The following SLC39A14 variants were observed in gnomAD, a reference collection of about 807,000 sequenced individuals.
The protein encoded by SLC39A14 is solute carrier family 39 member 14.
SLC39A14 carries 19 observed loss-of-function variants against 45.5 expected under a neutral mutation model. The ratio of observed to expected loss-of-function variants is 0.42; its 90% CI spans 0.29 to 0.61. SLC39A14 has a LOEUF of 0.61. Among genes scored for constraint, SLC39A14 ranks in the 20% least tolerant of loss-of-function variants. The pLI, the probability that SLC39A14 is intolerant of heterozygous loss-of-function variation, is 0.22. For missense variants in SLC39A14, 447 were observed against 616.5 expected (o/e 0.73, Z 2.91); for synonymous variants, 264 against 251.3 (o/e 1.05, Z -0.48).
intron 1 of SLC39A14, among the ~76,000 whole-genome samples, chr8:22,372,234 A>G (rs11136010): frequency 0.25 from 37,649 of 151,676 alleles, 5,222 homozygotes; most frequent in East Asian, 0.52. Context: ...TTTTTTTCCT[A>G]CTAGGCTCCG....
intron 1 of SLC39A14, among the ~76,000 whole-genome samples, chr8:22,388,347 G>C (rs1339735204): frequency 6.6e-6 from 1 of 152,158 alleles, no homozygotes; most frequent in South Asian, 2.1e-4. Flanking sequence ...GGACTTCCTA[G>C]TCCTGTGGCG....
At chr8:22,378,074 C>T (rs1042078775) in intron 1 of SLC39A14, among the ~76,000 whole-genome samples, 20 of 152,282 alleles carry the variant, frequency 1.3e-4, no homozygotes, top group African/African-American at 4.8e-4. Context: ...GATCAGAAAC[C>T]ACTACCACTC....
intron 1 of SLC39A14, among the ~76,000 whole-genome samples, chr8:22,391,530 G>A (rs771763809): frequency 3.9e-5 from 6 of 151,972 alleles, no homozygotes; most frequent in Non-Finnish European, 5.9e-5. Flanking sequence ...GGGCCAAGGA[G>A]GATAGAATGT....
chr8:22,394,784 T>A (rs923626126), intron 1 of SLC39A14, among the ~76,000 whole-genome samples: 1 of 152,194 alleles, frequency 6.6e-6, no homozygotes, highest in Non-Finnish European at 1.5e-5. Flanking sequence ...ATTTTCTGAC[T>A]TCTTTCATGC....
intron 8 of SLC39A14, among the ~76,000 whole-genome samples, chr8:22,430,256 C>T (rs1234135874): frequency 2.0e-5 from 3 of 152,196 alleles, no homozygotes; most frequent in South Asian, 2.1e-4. Context: ...TTTTTAGAGA[C>T]GGGGTCTCAC....
Position 22,408,480 on chromosome 8 carries a change from G to A in SLC39A14, c.441G>A (p.Arg147=). 1 of 1,613,352 alleles carries A rather than the reference G, an allele frequency of 6.2e-7. No individual in the cohort carries two copies. The highest frequency in any genetic ancestry group is 1.1e-5 in the South Asian group (1 of 91,026). ...AGAATGAGCAGACGGAGGAGGGGCG[G>A]CCAAGCGCTGTTGAAGGTGAGCCAG... ...NEENEQTEEG[R]PSAVEVWGYG... is the part of the protein sequence containing the mutation. The change falls in exon 3 of 9, where the codon CGG becomes CGA. Residue 147 remains arginine, a synonymous_variant. Coordinates refer to ENST00000381237, the MANE Select transcript of SLC39A14 (RefSeq NM_001128431.4).
At chr8:22,422,949 G>A (rs1456963543), downstream of SLC39A14, among the ~76,000 whole-genome samples, 5 of 149,612 alleles carry the variant, frequency 3.3e-5, no homozygotes, top group African/African-American at 7.4e-5. Context: ...TCAGCCTCCC[G>A]AGTAGCTGGG....
At chr8:22,368,659 C>A (rs939701338) in intron 1 of SLC39A14, among the ~76,000 whole-genome samples, 1 of 152,148 alleles carries the variant, frequency 6.6e-6, no homozygotes, top group Non-Finnish European at 1.5e-5. Flanking sequence ...GCCTCAGCCT[C>A]CCGAGTAGCT....
intron 6 of SLC39A14, 49 bp from the exon 7 acceptor site, chr8:22,416,024 A>G (rs772049947): frequency 2.5e-6 from 4 of 1,608,098 alleles, no homozygotes; most frequent in Non-Finnish European, 2.6e-6. Context: ...TTGAGGGCAC[A>G]TGGTCCAGCC....
Position 22,410,678 on chromosome 8 carries a change from A to AG in SLC39A14, c.458-1355dup, listed in dbSNP as rs577556643. ...AAATTAAAATGACAAGATAAATGGA[A>AG]GGGGCACTCAGCCCTTTGTACCTTG... is the stretch of plus-strand genomic sequence containing the variant. On this transcript the variant is annotated intron_variant, in intron 3 of 8. Coordinates refer to ENST00000381237, the MANE Select transcript of SLC39A14 (RefSeq NM_001128431.4). 1.3e-3 allele frequency among the ~76,000 whole-genome samples: 199 copies of AG among 152,352 alleles called. 1 individual carries two copies. The highest frequency in any genetic ancestry group is 4.5e-3 in the African/African-American group (189 of 41,588).
intron 2 of SLC39A14, among the ~76,000 whole-genome samples, chr8:22,406,394 G>A (rs1835210254): frequency 6.9e-6 from 1 of 144,980 alleles, no homozygotes; most frequent in Admixed American, 6.9e-5. Context: ...GGCCTCAAAA[G>A]TTGGGGGGGA....
chr8:22,417,601 A>G (rs754911599), intron 7 of SLC39A14, 50 bp from the exon 8 acceptor site: 1 of 1,517,136 alleles, frequency 6.6e-7, no homozygotes. Context: ...CACCATGCCC[A>G]TCTTACTCTT....
intron 8 of SLC39A14, among the ~76,000 whole-genome samples, chr8:22,427,868 G>T (rs1836410484): frequency 6.6e-6 from 1 of 152,176 alleles, no homozygotes; most frequent in South Asian, 2.1e-4. Flanking sequence ...CTAACTAAAA[G>T]GGTGGTAAAA....
chr8:22,415,130 A>G, intron 5 of SLC39A14: 1 of 522,298 alleles, frequency 1.9e-6, no homozygotes, highest in Non-Finnish European at 3.3e-6. Context: ...ACTAAGCAGT[A>G]GTTTATCCCC....
At chr8:22,386,615 A>G (rs1833810188) in intron 1 of SLC39A14, among the ~76,000 whole-genome samples, 1 of 152,212 alleles carries the variant, frequency 6.6e-6, no homozygotes, top group South Asian at 2.1e-4. Flanking sequence ...GGCACTTGAT[A>G]TGTGCATATG....
chr8:22,411,778 C>G, intron 3 of SLC39A14: 1 of 434,474 alleles, frequency 2.3e-6, no homozygotes, highest in South Asian at 2.9e-5. Context: ...CCAAGGCCAC[C>G]TTGAATTCCT....
At chr8:22,370,324 A>G (rs144494607) in intron 1 of SLC39A14, among the ~76,000 whole-genome samples, 2 of 152,160 alleles carry the variant, frequency 1.3e-5, no homozygotes, top group African/African-American at 4.8e-5. Context: ...CATTTGCAGA[A>G]TCATGGGGTT....
At chr8:22,413,150 A>T (rs1835677669) in intron 4 of SLC39A14, among the ~76,000 whole-genome samples, 1 of 152,154 alleles carries the variant, frequency 6.6e-6, no homozygotes, top group African/African-American at 2.4e-5. Context: ...CCCTCAGCAG[A>T]CCCATTAATT....
chr8:22,414,666 T>A, intron 4 of SLC39A14, 114 bp from the exon 5 acceptor site: 1 of 1,120,936 alleles, frequency 8.9e-7, no homozygotes, highest in East Asian at 2.5e-5. Context: ...GCAGAGTTAC[T>A]CCATTATGCC....
Sources: gnomAD v4.1 joint callset for allele counts (sites outside exome capture counted in the v4.1 genomes callset) on GRCh38, gnomAD v4.1.1 for gene constraint, MANE v1.5 for transcripts, NCBI Gene and HGNC (gene_info 2026-07-23, HGNC 2026-07-21) for gene names.